The following ALPK1 variants were observed in gnomAD, a reference collection of about 807,000 sequenced individuals.
ALPK1 encodes the protein alpha kinase 1.
Under a neutral mutation model 120.6 loss-of-function variants are expected in ALPK1, and 110 were observed. The observed-to-expected ratio is 0.91, with a 90% CI of 0.78 to 1.07. The LOEUF is 1.07. ALPK1 is among the 50% of genes least tolerant of loss of function. ALPK1 has a pLI of 0.00. For missense variants in ALPK1, 1,498 were observed against 1,483.9 expected (o/e 1.01, Z -0.16); for synonymous variants, 582 against 560.3 (o/e 1.04, Z -0.55).
intron 2 of ALPK1, among the ~76,000 whole-genome samples, chr4:112,338,649 C>T (rs977598422): frequency 2.0e-5 from 3 of 152,070 alleles, no homozygotes; most frequent in African/African-American, 7.2e-5. Context: ...TGGAAGGCTG[C>T]AAATAAAGTC....
intron 4 of ALPK1, among the ~76,000 whole-genome samples, chr4:112,400,990 C>A (rs1732884499): frequency 6.6e-6 from 1 of 151,842 alleles, no homozygotes; most frequent in Admixed American, 6.6e-5. Context: ...CCTCGCTCAG[C>A]CAGAGTGCTC....
chr4:112,325,026 C>A (rs1729050840), intron 2 of ALPK1, among the ~76,000 whole-genome samples: 1 of 149,916 alleles, frequency 6.7e-6, no homozygotes, highest in Admixed American at 6.6e-5. Flanking sequence ...TTTCAAATTT[C>A]AGACCTGATA....
chr4:112,388,102 A>G (rs947520927), intron 4 of ALPK1, among the ~76,000 whole-genome samples: 2 of 152,204 alleles, frequency 1.3e-5, no homozygotes, highest in East Asian at 1.9e-4. Context: ...TGCAAAAGAC[A>G]TGCTCTCATT....
intron 2 of ALPK1, among the ~76,000 whole-genome samples, chr4:112,350,610 T>A (rs866665312): frequency 2.6e-5 from 4 of 152,226 alleles, no homozygotes; most frequent in Non-Finnish European, 5.9e-5. Flanking sequence ...GCTGAGTTTT[T>A]CTCCAGACCT....
In ALPK1 at chr4:112,431,699, C is replaced by A. The variant is rs771984525; in HGVS notation, c.2152C>A (p.Arg718Ser). 5 of 1,614,092 alleles carry A rather than the reference C, an allele frequency of 3.1e-6. No homozygotes were observed. The African/African-American group carries it at 6.7e-5, about 22-fold the overall frequency. ...TTCTGCTCACTCCAGACCCTCATATCGTTCTGCTTCTTGGTCTTCTGATTC... is the reference window on the plus strand; with the variant it reads ...TTCTGCTCACTCCAGACCCTCATATAGTTCTGCTTCTTGGTCTTCTGATTC... Reference protein sequence around the residue: ...NTSAHSRPSYRSASWSSDSGR... With the variant: ...NTSAHSRPSYSSASWSSDSGR... The change falls in exon 11 of 16, where the codon CGT becomes AGT. Residue 718 changes from arginine to serine, a missense_variant. Physicochemically the swap from Arg to Ser is moderately radical, Grantham distance 110 (BLOSUM62 -1). Transcript: ENST00000650871.
chr4:112,394,736 T>C (rs1383031455), intron 4 of ALPK1, among the ~76,000 whole-genome samples: 1 of 152,216 alleles, frequency 6.6e-6, no homozygotes, highest in Non-Finnish European at 1.5e-5. Flanking sequence ...TGAGGCTAAA[T>C]CTATGGCATG....
chr4:112,357,109 G>T (rs968466238), intron 2 of ALPK1: 2 of 1,183,766 alleles, frequency 1.7e-6, no homozygotes, highest in Non-Finnish European at 1.2e-6. Context: ...GCCTGGAAGG[G>T]GCCATCGATG....
At chr4:112,323,943 T>C (rs1255854520) in intron 2 of ALPK1, among the ~76,000 whole-genome samples, 1 of 152,058 alleles carries the variant, frequency 6.6e-6, no homozygotes, top group Non-Finnish European at 1.5e-5. Flanking sequence ...TAGTAGTGAG[T>C]GGGCCAGTGG....
chr4:112,382,627 T>C, intron 4 of ALPK1, 75 bp downstream of exon 4: 1 of 1,603,978 alleles, frequency 6.2e-7, no homozygotes, highest in Non-Finnish European at 8.5e-7. Context: ...TCTAATAGAT[T>C]AAATTTCTTT....
chr4:112,441,476 G>A lies in ALPK1; in HGVS notation c.*266G>A. On this transcript the variant is annotated 3_prime_UTR_variant, in exon 16 of 16. Coordinates refer to ENST00000650871, the MANE Select transcript of ALPK1 (RefSeq NM_025144.4). ...GGGATGAAAAGCACTCTTGAGAAAG[G>A]CATGTGTTGTTTAAGCCATTGAGAT... is the stretch of plus-strand genomic sequence containing the variant. The A allele has an allele frequency of 2.0e-6, 1 of 505,290 alleles. No individual in the cohort carries two copies. The highest frequency in any genetic ancestry group is 3.5e-6 in the Non-Finnish European group (1 of 283,216). The allele number at this position is 505,290 out of a possible 1,614,324, so 31.3% of individuals were successfully genotyped here.
Position 112,335,739 on chromosome 4 carries a change from A to G in ALPK1, c.-101+19887A>G, listed in dbSNP as rs375801321. ...TTTCATCTGAATAAGGGAAAGCTTG[A>G]CCTAGTTAAATCTAGGCAGATTCCA... On this transcript the variant is annotated intron_variant, in intron 2 of 15. Transcript: ENST00000650871. Among the ~76,000 whole-genome samples the G allele has an allele frequency of 5.3e-5, 8 of 152,296 alleles. No individual in the cohort carries two copies. The South Asian group carries it at 8.3e-4, about 16-fold the overall frequency.
At chr4:112,317,186 A>G (rs1183566945) in intron 2 of ALPK1, among the ~76,000 whole-genome samples, 1 of 152,116 alleles carries the variant, frequency 6.6e-6, no homozygotes, top group Non-Finnish European at 1.5e-5. Context: ...CTCATTTCAT[A>G]GGTTTCCTTT....
chr4:112,345,710 C>T (rs1171336305), intron 2 of ALPK1, among the ~76,000 whole-genome samples: 2 of 152,194 alleles, frequency 1.3e-5, no homozygotes, highest in African/African-American at 4.8e-5. Context: ...AATGTAAAAA[C>T]TTCATGTACT....
In ALPK1 at chr4:112,434,177, A is replaced by G. The variant is rs191450394; in HGVS notation, c.3035-971A>G. 1.6e-4 allele frequency among the ~76,000 whole-genome samples: 25 copies of G among 152,344 alleles called. 1 individual carries two copies. Among genetic ancestry groups the G allele is most frequent in the African/African-American group, 4.8e-4 (20 of 41,580 alleles). On this transcript the variant is annotated intron_variant, in intron 11 of 15. Transcript: ENST00000650871. ...GTTTGCTAATTTATGGATGAAATAC[A>G]TTAGAGGAAGCAAGGCCCAAAATGG...
At position 112,423,927 on chromosome 4, in the gene ALPK1, TGGTTGCTG is replaced by T; in HGVS notation, c.476-16_476-9del. 1 of 1,613,854 alleles carries T rather than the reference TGGTTGCTG, an allele frequency of 6.2e-7. No individual in the cohort carries two copies. Among genetic ancestry groups the T allele is most frequent in the African/African-American group, 1.3e-5 (1 of 75,056 alleles). ...TGTTCAAAGCTAATTGTGTGGCATT[TGGTTGCTG>T]CTTTTCAGGAAAACTTTTAAAAGCA... On this transcript the variant is annotated splice_polypyrimidine_tract_variant and intron_variant, in intron 5 of 15. Transcript: ENST00000650871.
chr4:112,361,470 G>A (rs1730909452), intron 2 of ALPK1, among the ~76,000 whole-genome samples: 2 of 152,204 alleles, frequency 1.3e-5, no homozygotes, highest in South Asian at 2.1e-4. Flanking sequence ...CAACCTGTGT[G>A]TGTAATGCAG....
Position 112,431,794 on chromosome 4 carries a change from G to A in ALPK1, c.2247G>A (p.Glu749=), listed in dbSNP as rs756897501. ...AAGAAGCCTTTGAAATAATTGTTGA[G>A]TTTCCAGAAACCAACTGCGATGTCA... ...QKEEAFEIIV[E]FPETNCDVKD... is the part of the protein sequence containing the mutation. The change falls in exon 11 of 16, where the codon GAG becomes GAA. Residue 749 remains glutamate (E), a synonymous_variant. Transcript: ENST00000650871. 3.1e-6 allele frequency: 5 copies of A among 1,614,076 alleles called. No homozygotes were observed. The African/African-American group carries it at 5.3e-5, about 17-fold the overall frequency.
At chr4:112,317,845 A>G (rs1160615433) in intron 2 of ALPK1, among the ~76,000 whole-genome samples, 1 of 152,172 alleles carries the variant, frequency 6.6e-6, no homozygotes, top group Non-Finnish European at 1.5e-5. Flanking sequence ...ATTATTACAT[A>G]TATATACCAT....
rs564514519 is a variant in ALPK1 at position 112,324,129 on chromosome 4, C to T, written c.-101+8277C>T. 6.6e-4 allele frequency among the ~76,000 whole-genome samples: 100 copies of T among 152,198 alleles called. 2 individuals are homozygous for T. The South Asian group carries it at 9.3e-3, about 14-fold the overall frequency. On this transcript the variant is annotated intron_variant, in intron 2 of 15. Coordinates refer to ENST00000650871, the MANE Select transcript of ALPK1 (RefSeq NM_025144.4). ...GATCACGAGGTCAGGAGATCGAGACCATCCTGGCTAATACAGTGAAACCCC... is the reference window on the plus strand; with the variant it reads ...GATCACGAGGTCAGGAGATCGAGACTATCCTGGCTAATACAGTGAAACCCC...
Sources: gnomAD v4.1 joint callset for allele counts (sites outside exome capture counted in the v4.1 genomes callset) on GRCh38, gnomAD v4.1.1 for gene constraint, MANE v1.5 for transcripts, NCBI Gene and HGNC (gene_info 2026-07-23, HGNC 2026-07-21) for gene names.